The following SGO1 variants were observed in gnomAD, a reference collection of about 807,000 sequenced individuals.
SGO1 encodes serologically defined breast cancer antigen NY-BR-85.
In SGO1, 39 loss-of-function variants were observed where a neutral mutation model predicts 50.5. The observed-to-expected ratio is 0.77, with a 90% CI of 0.60 to 1.01. The LOEUF is 1.01. SGO1 is among the 50% of genes least tolerant of loss of function. SGO1 has a pLI of 0.00. For missense variants in SGO1, 638 were observed against 606.0 expected (o/e 1.05, Z -0.55); for synonymous variants, 191 against 205.1 (o/e 0.93, Z 0.59).
intron 5 of SGO1, 67 bp from the exon 6 acceptor site, chr3:20,175,122 T>G: frequency 7.4e-7 from 1 of 1,343,616 alleles, no homozygotes; most frequent in Non-Finnish European, 9.7e-7. Context: ...TCAAGAACTT[T>G]AGAATTCAAA....
At chr3:20,167,887 C>T (rs1020223314), downstream of SGO1, among the ~76,000 whole-genome samples, 1 of 152,112 alleles carries the variant, frequency 6.6e-6, no homozygotes, top group Non-Finnish European at 1.5e-5. Context: ...ATATTCACTG[C>T]AGCACTAATT....
At chr3:20,177,696 C>A (rs1375762778) in intron 4 of SGO1, among the ~76,000 whole-genome samples, 1 of 152,114 alleles carries the variant, frequency 6.6e-6, no homozygotes, top group Non-Finnish European at 1.5e-5. Flanking sequence ...ACGATATATA[C>A]ATTAGTCAAA....
chr3:20,172,394 G>A (rs1489004343), intron 6 of SGO1, among the ~76,000 whole-genome samples: 1 of 151,824 alleles, frequency 6.6e-6, no homozygotes, highest in Non-Finnish European at 1.5e-5. Context: ...CCAGCTACTC[G>A]GGAGTCTGAG....
intron 6 of SGO1, among the ~76,000 whole-genome samples, chr3:20,173,934 AGTGTATAAAAG>A (rs1222991540): frequency 6.6e-6 from 1 of 152,244 alleles, no homozygotes; most frequent in Non-Finnish European, 1.5e-5. Flanking sequence ...ACTTCAGTTA[AGTGTATAAAAG>A]CTACTTCAAT....
chr3:20,167,806 A>T (rs538351335), downstream of SGO1, among the ~76,000 whole-genome samples: 3 of 152,320 alleles, frequency 2.0e-5, no homozygotes, highest in East Asian at 5.8e-4. Flanking sequence ...TATACTCTAC[A>T]ACCAAGCAAC....
downstream of SGO1, among the ~76,000 whole-genome samples, chr3:20,166,820 C>T (rs981049987): frequency 5.8e-4 from 60 of 104,058 alleles, 1 homozygote; most frequent in Admixed American, 1.9e-3. Flanking sequence ...GCCTAGGAAA[C>T]ATAGCCAGTC....
In SGO1 at chr3:20,183,798, G is replaced by C; in HGVS notation, c.149C>G (p.Thr50Ser). 6.2e-7 allele frequency: 1 copy of C among 1,607,298 alleles called. No homozygotes were observed. Among genetic ancestry groups the C allele is most frequent in the Non-Finnish European group, 8.5e-7 (1 of 1,178,528 alleles). ...IAAPCQIITN[T>S]STLLKNYQDN... ...TTGGTAATTTTTCAGCAGTGTAGAA[G>C]TGTTGGCTAAAAGAGGATAAAAAAA... The change falls in exon 3 of 8, where the codon ACT (threonine) becomes AGT (serine). Residue 50 changes from threonine (T) to serine (S), a missense_variant. Transcript: ENST00000412997.
chr3:20,172,039 T>A (rs573327891), intron 6 of SGO1, among the ~76,000 whole-genome samples: 2 of 152,382 alleles, frequency 1.3e-5, no homozygotes, highest in Admixed American at 6.5e-5. Context: ...GCTCCAGTGT[T>A]ATCTGGGTTT....
At chr3:20,175,858 A>T (rs181084509) in intron 5 of SGO1, among the ~76,000 whole-genome samples, 3 of 152,292 alleles carry the variant, frequency 2.0e-5, no homozygotes, top group South Asian at 4.1e-4. Flanking sequence ...TGAATAGTCT[A>T]TATGTATCAT....
chr3:20,186,208 A>C (rs1702663685), upstream of SGO1: 1 of 152,410 alleles, frequency 6.6e-6, no homozygotes, highest in African/African-American at 2.4e-5. Flanking sequence ...GCCACATTCG[A>C]AATTTTCCGC....
chr3:20,183,844 A>C (rs572741984), intron 2 of SGO1, 40 bp from the exon 3 acceptor site: 1 of 1,604,878 alleles, frequency 6.2e-7, no homozygotes, highest in East Asian at 2.2e-5. Flanking sequence ...ATTAAATCTA[A>C]ACTTAAAAGT....
In SGO1 at chr3:20,169,990, CCT is replaced by C. The variant is rs1328266650; in HGVS notation, c.*712_*713del. ...ATTGTACTAAAGAGTTTCAAAAGAT[CCT>C]CTTAGAAAATCATTCACTTTAGTAT... On this transcript the variant is annotated 3_prime_UTR_variant, in exon 8 of 8. Coordinates refer to ENST00000412997, the MANE Select transcript of SGO1 (RefSeq NM_001199251.3). 5 of 984,344 alleles carry C rather than the reference CCT, an allele frequency of 5.1e-6. No homozygotes were observed. The African/African-American group carries it at 5.2e-5, about 10-fold the overall frequency. The allele number at this position is 984,344 out of a possible 1,614,324, so 61.0% of individuals were successfully genotyped here. A position where few individuals can be genotyped will look rare whatever the true frequency, so the allele number is the denominator to read the frequency against.
intron 6 of SGO1, among the ~76,000 whole-genome samples, chr3:20,173,135 C>CT (rs11288410): frequency 4.9e-4 from 71 of 144,284 alleles, no homozygotes; most frequent in Non-Finnish European, 7.7e-4. Flanking sequence ...AGCATTTTTG[C>CT]TTTTTTTTTT....
At chr3:20,166,182 C>G (rs1012763439), downstream of SGO1, among the ~76,000 whole-genome samples, 2 of 152,090 alleles carry the variant, frequency 1.3e-5, no homozygotes, top group Non-Finnish European at 2.9e-5. Flanking sequence ...TCAAAGGACA[C>G]TATCAACAGA....
intron 3 of SGO1, among the ~76,000 whole-genome samples, chr3:20,179,943 G>A (rs56908553): frequency 0.06 from 9,086 of 152,220 alleles, 866 homozygotes; most frequent in African/African-American, 0.2. Context: ...TGGTAACATG[G>A]AGGTTTTGGT....
intron 6 of SGO1, among the ~76,000 whole-genome samples, chr3:20,171,828 T>C (rs1700778700): frequency 6.6e-6 from 1 of 152,194 alleles, no homozygotes; most frequent in Non-Finnish European, 1.5e-5. Flanking sequence ...AGCTAGCATG[T>C]AAAAAAGTTA....
chr3:20,165,503 T>G (rs1372377954), downstream of SGO1, among the ~76,000 whole-genome samples: 1 of 152,044 alleles, frequency 6.6e-6, no homozygotes, highest in Non-Finnish European at 1.5e-5. Flanking sequence ...GGAGAAAAAT[T>G]AAACAGATTC....
chr3:20,170,599 A>C lies in SGO1; in HGVS notation c.*105T>G, dbSNP rs1173909960. On this transcript the variant is annotated 3_prime_UTR_variant, in exon 8 of 8. Transcript: ENST00000412997. The stretch of plus-strand genomic sequence containing the variant: ...TATGAGCTAGGGTCCTGTCAAGAGA[A>C]TATTCTATGGCAATGGCTCACTCTG... 5 of 1,387,762 alleles carry C rather than the reference A, an allele frequency of 3.6e-6. No homozygotes were observed. The highest frequency in any genetic ancestry group is 3.0e-5 in the African/African-American group (2 of 66,012). 86.0% of individuals were successfully genotyped at this position (1,387,762 alleles called of 1,614,324 possible). A position where few individuals can be genotyped will look rare whatever the true frequency, so the allele number is the denominator to read the frequency against.
upstream of SGO1, among the ~76,000 whole-genome samples, chr3:20,186,816 CTT>C (rs1034227793): frequency 6.6e-6 from 1 of 152,110 alleles, no homozygotes; most frequent in African/African-American, 2.4e-5. Flanking sequence ...TTTATCCTCT[CTT>C]AACCTTTGCC....
Sources: allele counts gnomAD v4.1 joint callset (sites outside exome capture counted in the v4.1 genomes callset), GRCh38; gene constraint gnomAD v4.1.1; transcripts MANE v1.5; gene names NCBI Gene and HGNC (gene_info 2026-07-23, HGNC 2026-07-21).